The following CDH12 variants were observed in gnomAD, a reference collection of about 807,000 sequenced individuals.
The protein encoded by CDH12 is cadherin 12.
Under a neutral mutation model 74.1 loss-of-function variants are expected in CDH12, and 41 were observed. The observed-to-expected ratio is 0.55, with a 90% CI of 0.43 to 0.72. The LOEUF (loss-of-function observed/expected upper bound fraction) is 0.72. Ranked by LOEUF, CDH12 falls within the 30% of genes least tolerant of loss-of-function variation. The pLI, the probability that CDH12 is intolerant of heterozygous loss-of-function variation, is 0.00. For synonymous variants in CDH12, 399 were observed against 355.0 expected (o/e 1.12, Z -1.39); for missense variants, 945 against 977.2 (o/e 0.97, Z 0.44).
At chr5:22,234,269 A>C (rs2150376839) in intron 3 of CDH12, among the ~76,000 whole-genome samples, 1 of 152,206 alleles carries the variant, frequency 6.6e-6, no homozygotes, top group East Asian at 1.9e-4. Context: ...CCCCACCCAA[A>C]TCTCAACCTG....
intron 1 of CDH12, among the ~76,000 whole-genome samples, chr5:22,646,660 A>C (rs771006867): frequency 3.3e-5 from 5 of 151,958 alleles, no homozygotes; most frequent in African/African-American, 7.2e-5. Flanking sequence ...AAAAACAACA[A>C]CAACACCAAC....
rs148844294 is a variant in CDH12, at chr5:22,420,271, G to T, written c.-427-14920C>A. On this transcript the variant is annotated intron_variant, in intron 2 of 14. Coordinates refer to ENST00000382254, the MANE Select transcript of CDH12 (RefSeq NM_004061.5). ...CCCATGTCTATGTCCTGAATGGTAT[G>T]GCCTAGATTTTCTTCTAGGGTATTT... is the stretch of plus-strand genomic sequence containing the variant. 7.6e-4 allele frequency among the ~76,000 whole-genome samples: 115 copies of T among 152,032 alleles called. 4 individuals are homozygous for T. In the East Asian group the frequency reaches 0.021, roughly 28 times the overall value.
At chr5:22,447,792 C>G (rs940234522) in intron 2 of CDH12, among the ~76,000 whole-genome samples, 1 of 151,804 alleles carries the variant, frequency 6.6e-6, no homozygotes, top group African/African-American at 2.4e-5. Context: ...CACAACATAT[C>G]TGGAAAACAA....
At chr5:22,686,550 G>A (rs773878618) in intron 1 of CDH12, among the ~76,000 whole-genome samples, 1 of 151,318 alleles carries the variant, frequency 6.6e-6, no homozygotes, top group African/African-American at 2.4e-5. Context: ...CTTTTTTTTT[G>A]AATATTATGA....
intron 1 of CDH12, among the ~76,000 whole-genome samples, chr5:22,562,977 A>T (rs1283067717): frequency 2.0e-5 from 3 of 147,648 alleles, no homozygotes; most frequent in Non-Finnish European, 4.5e-5. Context: ...TGTTTATTTA[A>T]ATATAAATTT....
chr5:22,244,725 GA>G (rs1752870454), intron 3 of CDH12, among the ~76,000 whole-genome samples: 1 of 121,742 alleles, frequency 8.2e-6, no homozygotes, highest in Non-Finnish European at 1.7e-5. Context: ...GAGAGAGAAA[GA>G]AAAAGAAAGA....
At chr5:22,396,037 T>A (rs1364500267) in intron 3 of CDH12, among the ~76,000 whole-genome samples, 1 of 148,448 alleles carries the variant, frequency 6.7e-6, no homozygotes, top group East Asian at 2.0e-4. Context: ...AGAAGTTGAT[T>A]CATGATGATT....
chr5:22,348,048 C>A (rs2150461582), intron 3 of CDH12, among the ~76,000 whole-genome samples: 1 of 152,266 alleles, frequency 6.6e-6, no homozygotes, highest in Non-Finnish European at 1.5e-5. Flanking sequence ...CCCAGAGAAC[C>A]TCATTGTGAA....
chr5:22,535,451 C>T (rs879488344), intron 1 of CDH12, among the ~76,000 whole-genome samples: 1 of 152,070 alleles, frequency 6.6e-6, no homozygotes. Flanking sequence ...CCAACGCACC[C>T]GGCCTCTATT....
intron 4 of CDH12, among the ~76,000 whole-genome samples, chr5:22,205,132 T>C (rs1187041538): frequency 2.0e-5 from 3 of 152,202 alleles, no homozygotes; most frequent in Non-Finnish European, 4.4e-5. Flanking sequence ...TTATAATGTG[T>C]TAAAACGTTA....
At chr5:22,293,339 T>A (rs1357220592) in intron 3 of CDH12, among the ~76,000 whole-genome samples, 1 of 152,168 alleles carries the variant, frequency 6.6e-6, no homozygotes, top group Non-Finnish European at 1.5e-5. Flanking sequence ...TCTGCAGAAG[T>A]AAATTTGCCT....
Position 22,404,320 on chromosome 5 carries a change from T to G in CDH12, c.-333+937A>C, listed in dbSNP as rs1205853825. On this transcript the variant is annotated intron_variant, in intron 3 of 14. Transcript: ENST00000382254. Reference sequence around the variant, plus strand: ...TGCTTAGAATAAAAATTCCTGATTTTCTTTCAGCTCTTCTTTCCAATATAC... The same window carrying G: ...TGCTTAGAATAAAAATTCCTGATTTGCTTTCAGCTCTTCTTTCCAATATAC... Among the ~76,000 whole-genome samples the G allele has an allele frequency of 2.0e-5, 3 of 152,124 alleles. No individual in the cohort carries two copies. The East Asian group carries it at 5.8e-4, about 29-fold the overall frequency.
intron 1 of CDH12, among the ~76,000 whole-genome samples, chr5:22,549,610 A>G (rs908398540): frequency 6.6e-6 from 1 of 152,190 alleles, no homozygotes; most frequent in Non-Finnish European, 1.5e-5. Flanking sequence ...ATACAGTACC[A>G]TAGTTACAGT....
intron 1 of CDH12, among the ~76,000 whole-genome samples, chr5:22,508,710 C>A (rs1460592175): frequency 6.6e-6 from 1 of 152,130 alleles, no homozygotes; most frequent in African/African-American, 2.4e-5. Flanking sequence ...TAATAGTCAA[C>A]CAGAAAATGT....
At chr5:22,005,335 G>C (rs1459996230) in intron 5 of CDH12, among the ~76,000 whole-genome samples, 1 of 152,168 alleles carries the variant, frequency 6.6e-6, no homozygotes, top group Admixed American at 6.5e-5. Flanking sequence ...GAGCCACTGT[G>C]CTCGGCCCTA....
intron 4 of CDH12, among the ~76,000 whole-genome samples, chr5:22,093,870 C>T (rs1007672048): frequency 6.6e-6 from 1 of 152,128 alleles, no homozygotes; most frequent in Non-Finnish European, 1.5e-5. Flanking sequence ...ATTGTCTTTG[C>T]TTCTTGAAGC....
chr5:22,786,813 G>T (rs906406456), intron 1 of CDH12, among the ~76,000 whole-genome samples: 2 of 151,616 alleles, frequency 1.3e-5, no homozygotes, highest in African/African-American at 2.4e-5. Flanking sequence ...CCGCCTTCTG[G>T]GTTCAAGCAA....
chr5:22,204,336 A>AT (rs1416754948), intron 4 of CDH12, among the ~76,000 whole-genome samples: 2 of 151,788 alleles, frequency 1.3e-5, no homozygotes, highest in South Asian at 2.1e-4. Context: ...AGTTTTTTGT[A>AT]TTTTTAGTAG....
intron 1 of CDH12, among the ~76,000 whole-genome samples, chr5:22,665,436 A>C (rs1441775159): frequency 3.3e-5 from 5 of 152,224 alleles, no homozygotes; most frequent in Non-Finnish European, 5.9e-5. Flanking sequence ...TACTAATCAC[A>C]GAAGGAAAAC....
Sources: allele counts gnomAD v4.1 joint callset (sites outside exome capture counted in the v4.1 genomes callset), GRCh38; gene constraint gnomAD v4.1.1; transcripts MANE v1.5; gene names NCBI Gene and HGNC (gene_info 2026-07-23, HGNC 2026-07-21).